Variants in ST8SIA6 observed in about 807,000 individuals in gnomAD.
ST8SIA6 encodes ST8 alpha-N-acetyl-neuraminide alpha-2,8-sialyltransferase 6.
ST8SIA6 carries 39 observed loss-of-function variants against 33.6 expected under a neutral mutation model. The observed-to-expected ratio is 1.16, with a 90% CI of 0.90 to 1.52. ST8SIA6 has a LOEUF of 1.52. Among genes scored for constraint, ST8SIA6 ranks in the 40% most tolerant of loss-of-function variants. ST8SIA6 has a pLI of 0.00. For synonymous variants in ST8SIA6, 172 were observed against 167.2 expected (o/e 1.03, Z -0.22); for missense variants, 441 against 443.8 (o/e 0.99, Z 0.06).
chr10:17,336,167 G>A (rs1025334585), intron 4 of ST8SIA6, among the ~76,000 whole-genome samples: 1 of 152,060 alleles, frequency 6.6e-6, no homozygotes, highest in African/African-American at 2.4e-5. Flanking sequence ...ACGTTGACCA[G>A]GCTGGTCTCG....
At chr10:17,332,958 G>C (rs1848348226) in intron 4 of ST8SIA6, among the ~76,000 whole-genome samples, 1 of 152,092 alleles carries the variant, frequency 6.6e-6, no homozygotes, top group Admixed American at 6.6e-5. Flanking sequence ...CTGGATATCA[G>C]ACCTTTGTCA....
chr10:17,416,114 A>G (rs920817494), intron 2 of ST8SIA6, among the ~76,000 whole-genome samples: 15 of 151,976 alleles, frequency 9.9e-5, no homozygotes, highest in African/African-American at 3.6e-4. Context: ...GGCCGCACTT[A>G]TCTTACTTGA....
intron 2 of ST8SIA6, among the ~76,000 whole-genome samples, chr10:17,436,021 C>G (rs1191341586): frequency 6.6e-6 from 1 of 152,174 alleles, no homozygotes; most frequent in Non-Finnish European, 1.5e-5. Flanking sequence ...AACCCAGCTA[C>G]TAAAACAATG....
intron 4 of ST8SIA6, among the ~76,000 whole-genome samples, chr10:17,357,418 G>C (rs1338060420): frequency 6.6e-6 from 1 of 151,746 alleles, no homozygotes; most frequent in Non-Finnish European, 1.5e-5. Flanking sequence ...TTACAGGCGT[G>C]AGCCATACGC....
intron 2 of ST8SIA6, among the ~76,000 whole-genome samples, chr10:17,416,056 C>T (rs1390078367): frequency 2.0e-5 from 3 of 152,046 alleles, no homozygotes; most frequent in Admixed American, 6.6e-5. Context: ...GATCCACCGG[C>T]CTCAGCCTCC....
intron 7 of ST8SIA6, among the ~76,000 whole-genome samples, 166 bp downstream of exon 7, chr10:17,322,899 T>A: frequency 6.6e-6 from 1 of 152,174 alleles, no homozygotes; most frequent in East Asian, 1.9e-4. Flanking sequence ...AAAACGACCT[T>A]GATAGAATGC....
chr10:17,395,339 C>T lies in ST8SIA6; in HGVS notation c.201-4719G>A, dbSNP rs534524436. Among the ~76,000 whole-genome samples, 7 of 152,238 alleles carry T rather than the reference C, an allele frequency of 4.6e-5. No homozygotes were observed. In the East Asian group the frequency reaches 9.7e-4, roughly 21 times the overall value. ...CATATCACATCCTGCTGCAGGAGAACTCCTTTCCAGGTAGAAGTCCAGCAT... is the reference window on the plus strand; with the variant it reads ...CATATCACATCCTGCTGCAGGAGAATTCCTTTCCAGGTAGAAGTCCAGCAT... On this transcript the variant is annotated intron_variant, in intron 2 of 7. Coordinates refer to ENST00000377602, the MANE Select transcript of ST8SIA6 (RefSeq NM_001004470.3).
chr10:17,318,398 T>C lies in ST8SIA6; in HGVS notation c.*2480A>G. ...GCTCAGCTAATTTTTTTGTTTTTTG[T>C]AGAGAAGGGTACTCACTATGTTGCC... On this transcript the variant is annotated 3_prime_UTR_variant, in exon 8 of 8. Coordinates refer to ENST00000377602, the MANE Select transcript of ST8SIA6 (RefSeq NM_001004470.3). 1 of 282,912 alleles carries C rather than the reference T, an allele frequency of 3.5e-6. No homozygotes were observed. Among genetic ancestry groups the C allele is most frequent in the East Asian group, 9.3e-5 (1 of 10,734 alleles). The allele number at this position is 282,912 out of a possible 1,614,324, so 17.5% of individuals were successfully genotyped here.
chr10:17,398,744 A>G (rs752972709), intron 2 of ST8SIA6, among the ~76,000 whole-genome samples: 1 of 152,198 alleles, frequency 6.6e-6, no homozygotes, highest in Non-Finnish European at 1.5e-5. Flanking sequence ...AGTTCTTTCC[A>G]TATACTTAGA....
chr10:17,379,458 T>C (rs537585286), intron 3 of ST8SIA6, among the ~76,000 whole-genome samples: 21 of 152,230 alleles, frequency 1.4e-4, no homozygotes, highest in African/African-American at 5.1e-4. Flanking sequence ...GCCCCCAAAA[T>C]CACTAAGGAA....
At chr10:17,362,675 C>T (rs551970874) in intron 3 of ST8SIA6, among the ~76,000 whole-genome samples, 8 of 152,208 alleles carry the variant, frequency 5.3e-5, no homozygotes, top group African/African-American at 1.2e-4. Context: ...ACAATCCCTA[C>T]GACATGCTGA....
intron 2 of ST8SIA6, among the ~76,000 whole-genome samples, chr10:17,424,774 C>G (rs951527119): frequency 2.0e-5 from 3 of 150,572 alleles, no homozygotes; most frequent in Non-Finnish European, 2.9e-5. Flanking sequence ...GTCTCGGTCA[C>G]CCAGGCTGGA....
intron 2 of ST8SIA6, among the ~76,000 whole-genome samples, chr10:17,437,666 TG>T (rs1852324502): frequency 8.2e-6 from 1 of 122,646 alleles, no homozygotes; most frequent in Admixed American, 7.8e-5. Context: ...TCCTTCCTTC[TG>T]TCTCTCTTTC....
In ST8SIA6 at chr10:17,317,826, C is replaced by T. The variant is rs1421372263; in HGVS notation, c.*3052G>A. On this transcript the variant is annotated 3_prime_UTR_variant, in exon 8 of 8. Transcript: ENST00000377602. ...TTGACTGATTACCTGGCTGAGAGCC[C>T]ACGCAGTTACTGGGTTAGGACTTAC... 2.0e-5 allele frequency among the ~76,000 whole-genome samples: 3 copies of T among 152,174 alleles called. No individual in the cohort carries two copies. Among genetic ancestry groups the T allele is most frequent in the African/African-American group, 7.2e-5 (3 of 41,442 alleles).
intron 3 of ST8SIA6, among the ~76,000 whole-genome samples, chr10:17,385,113 T>A (rs1466428779): frequency 6.6e-6 from 1 of 152,180 alleles, no homozygotes; most frequent in East Asian, 1.9e-4. Flanking sequence ...CCAAAATCAC[T>A]AAGGGAAACT....
chr10:17,363,263 T>C (rs11254550), intron 3 of ST8SIA6, among the ~76,000 whole-genome samples: 27,481 of 151,664 alleles, frequency 0.18, 2,623 homozygotes, highest in South Asian at 0.22. Flanking sequence ...CCAATTCAGC[T>C]AGTTTCTTAG....
Position 17,400,100 on chromosome 10 carries a change from C to T in ST8SIA6, c.201-9480G>A, listed in dbSNP as rs565159394. ...GTAAAAGAACTGGCAAAGTGAGGGG[C>T]AGGGTGAGTCATTAGGACCTCTATC... On this transcript the variant is annotated intron_variant, in intron 2 of 7. Coordinates refer to ENST00000377602, the MANE Select transcript of ST8SIA6 (RefSeq NM_001004470.3). Among the ~76,000 whole-genome samples the T allele has an allele frequency of 2.0e-5, 3 of 152,174 alleles. No individual in the cohort carries two copies. In the East Asian group the frequency reaches 5.8e-4, roughly 29 times the overall value.
intron 2 of ST8SIA6, among the ~76,000 whole-genome samples, chr10:17,419,556 C>CA (rs917422495): frequency 6.3e-5 from 9 of 143,676 alleles, no homozygotes; most frequent in South Asian, 2.6e-4. Flanking sequence ...AACAAAAAAA[C>CA]AAAAAAAATA....
chr10:17,363,290 ATG>A (rs79432164), intron 3 of ST8SIA6, among the ~76,000 whole-genome samples: 34 of 150,728 alleles, frequency 2.3e-4, no homozygotes, highest in African/African-American at 3.9e-4. Context: ...AGGCATGCAT[ATG>A]TGTGTGTGTG....
Sources: gnomAD v4.1 joint callset for allele counts (sites outside exome capture counted in the v4.1 genomes callset) on GRCh38, gnomAD v4.1.1 for gene constraint, MANE v1.5 for transcripts, NCBI Gene and HGNC (gene_info 2026-07-23, HGNC 2026-07-21) for gene names.